The following NBEA variants were observed in gnomAD, a reference collection of about 807,000 sequenced individuals.
NBEA encodes neurobeachin.
Under a neutral mutation model 343.4 loss-of-function variants are expected in NBEA, and 44 were observed. The observed-to-expected ratio is 0.13, with a 90% CI of 0.10 to 0.16. The LOEUF (loss-of-function observed/expected upper bound fraction) is 0.16. Ranked by LOEUF, NBEA falls within the 10% of genes least tolerant of loss-of-function variation. The pLI is 1.00. For missense variants in NBEA, 2,555 were observed against 3,631.3 expected (o/e 0.70, Z 7.62); for synonymous variants, 1,175 against 1,238.7 (o/e 0.95, Z 1.08).
At chr13:35,060,897 A>G (rs2063445328) in intron 8 of NBEA, among the ~76,000 whole-genome samples, 1 of 151,626 alleles carries the variant, frequency 6.6e-6, no homozygotes, top group African/African-American at 2.4e-5. Flanking sequence ...AGAATATAAT[A>G]ACTAGTGGAC....
intron 54 of NBEA, among the ~76,000 whole-genome samples, chr13:35,655,230 AT>A (rs1224135352): frequency 2.0e-5 from 3 of 152,194 alleles, no homozygotes; most frequent in Non-Finnish European, 4.4e-5. Flanking sequence ...AAATGGGGCT[AT>A]TGTTCCTTTC....
At chr13:35,200,351 G>T (rs890700877) in intron 31 of NBEA, among the ~76,000 whole-genome samples, 1 of 149,818 alleles carries the variant, frequency 6.7e-6, no homozygotes, top group South Asian at 2.1e-4. Flanking sequence ...TTATATATCT[G>T]CATGCTTTTT....
chr13:35,369,262 A>G (rs1463350393), intron 38 of NBEA, among the ~76,000 whole-genome samples: 2 of 147,858 alleles, frequency 1.4e-5, no homozygotes, highest in Admixed American at 6.9e-5. Flanking sequence ...ATTCTGTTCC[A>G]TTGGTCTATG....
chr13:35,605,228 G>A (rs1392613412), intron 47 of NBEA, among the ~76,000 whole-genome samples: 1 of 152,114 alleles, frequency 6.6e-6, no homozygotes, highest in Non-Finnish European at 1.5e-5. Flanking sequence ...TGGAGAAAAT[G>A]AACATTTATA....
intron 44 of NBEA, among the ~76,000 whole-genome samples, chr13:35,564,927 A>G (rs1217100387): frequency 6.6e-6 from 1 of 152,230 alleles, no homozygotes; most frequent in South Asian, 2.1e-4. Context: ...CATTCCATCA[A>G]CAAACATTTA....
intron 34 of NBEA, among the ~76,000 whole-genome samples, chr13:35,245,345 G>T (rs1331608875): frequency 6.6e-6 from 1 of 151,990 alleles, no homozygotes; most frequent in Non-Finnish European, 1.5e-5. Context: ...GCTATTTGTT[G>T]ATGAATCCTT....
intron 17 of NBEA, among the ~76,000 whole-genome samples, chr13:35,130,840 AAAATT>A (rs1369185446): frequency 1.3e-5 from 2 of 152,210 alleles, no homozygotes; most frequent in East Asian, 3.9e-4. Flanking sequence ...ATCAATGACA[AAAATT>A]AAACTTAGAA....
intron 17 of NBEA, among the ~76,000 whole-genome samples, chr13:35,132,284 C>T (rs541151281): frequency 7.9e-5 from 12 of 152,060 alleles, no homozygotes; most frequent in Non-Finnish European, 1.5e-4. Flanking sequence ...AAGCCTCCCA[C>T]GTAGCCAGGA....
intron 16 of NBEA, among the ~76,000 whole-genome samples, chr13:35,119,876 A>T (rs554957034): frequency 4.5e-4 from 68 of 152,336 alleles, no homozygotes; most frequent in African/African-American, 1.6e-3. Flanking sequence ...GGCGTAAGCC[A>T]CCGTGCCCAG....
chr13:35,502,419 A>G (rs2152981284), intron 41 of NBEA, among the ~76,000 whole-genome samples: 1 of 152,152 alleles, frequency 6.6e-6, no homozygotes, highest in Admixed American at 6.5e-5. Flanking sequence ...TTTTAGGCTC[A>G]GTTTTAAGTT....
chr13:35,238,337 G>A (rs1439897320), intron 34 of NBEA, among the ~76,000 whole-genome samples: 1 of 152,178 alleles, frequency 6.6e-6, no homozygotes, highest in African/African-American at 2.4e-5. Flanking sequence ...AAATGGGAGA[G>A]AAAAGTCAGT....
At chr13:35,395,396 TGTAAGAC>T (rs1359579953) in intron 38 of NBEA, among the ~76,000 whole-genome samples, 1 of 152,104 alleles carries the variant, frequency 6.6e-6, no homozygotes, top group Non-Finnish European at 1.5e-5. Context: ...GCTCTGGTTA[TGTAAGAC>T]GTGTCTGCTT....
chr13:35,117,732 G>C (rs1343917425), intron 14 of NBEA, among the ~76,000 whole-genome samples: 1 of 151,922 alleles, frequency 6.6e-6, no homozygotes, highest in East Asian at 1.9e-4. Context: ...AATAAGAATT[G>C]AGCCCTTATT....
At chr13:35,110,738 CTG>C in intron 12 of NBEA, 70 bp from the exon 13 acceptor site, 2 of 1,221,878 alleles carry the variant, frequency 1.6e-6, no homozygotes, top group Admixed American at 2.4e-5. Context: ...TAAATTAAAA[CTG>C]AATGTATATA....
Position 35,420,143 on chromosome 13 carries a change from G to C in NBEA, c.6180-12126G>C, listed in dbSNP as rs1212114864. ...CTCTTTTGCCTTACTGCATTGGCTA[G>C]AAATTTCAGTACTCTGTTGAGTAAG... On this transcript the variant is annotated intron_variant, in intron 38 of 58. Transcript: ENST00000379939. Among the ~76,000 whole-genome samples, 5 of 151,978 alleles carry C rather than the reference G, an allele frequency of 3.3e-5. No individual in the cohort carries two copies. The South Asian group carries it at 1.0e-3, about 32-fold the overall frequency.
intron 34 of NBEA, among the ~76,000 whole-genome samples, chr13:35,260,056 A>G (rs2033070871): frequency 6.6e-6 from 1 of 152,206 alleles, no homozygotes; most frequent in Admixed American, 6.6e-5. Flanking sequence ...TAATATCTGT[A>G]ACATAGTATT....
chr13:35,426,664 C>G (rs1318888037), intron 38 of NBEA, among the ~76,000 whole-genome samples: 2 of 152,064 alleles, frequency 1.3e-5, no homozygotes, highest in Non-Finnish European at 1.5e-5. Flanking sequence ...GTGGCGGTCT[C>G]TGTATTTCCT....
intron 56 of NBEA, among the ~76,000 whole-genome samples, chr13:35,666,623 G>A (rs1015083613): frequency 1.3e-4 from 20 of 152,192 alleles, no homozygotes; most frequent in East Asian, 5.8e-4. Context: ...AAATAAACAC[G>A]TAATTCATAC....
intron 1 of NBEA, among the ~76,000 whole-genome samples, chr13:34,990,572 C>G (rs967416424): frequency 4.6e-5 from 7 of 150,890 alleles, no homozygotes; most frequent in African/African-American, 1.7e-4. Flanking sequence ...CTGGGCTTTG[C>G]TCTCAAAACC....
Sources: allele counts gnomAD v4.1 joint callset (sites outside exome capture counted in the v4.1 genomes callset), GRCh38; gene constraint gnomAD v4.1.1; transcripts MANE v1.5; gene names NCBI Gene and HGNC (gene_info 2026-07-23, HGNC 2026-07-21).